The following CPQ variants were observed in gnomAD, a reference collection of about 807,000 sequenced individuals.
CPQ encodes the protein carboxypeptidase Q.
A neutral mutation model predicts 45.7 loss-of-function variants in CPQ; 37 were observed. That is an observed-to-expected ratio of 0.81 (90% confidence interval 0.62 to 1.07). The LOEUF is 1.07. Among genes scored for constraint, CPQ ranks in the 50% least tolerant of loss-of-function variants. The pLI is 0.00. For missense variants in CPQ, 537 were observed against 572.9 expected, an observed-to-expected ratio of 0.94 and a Z score of 0.64; for synonymous variants, 186 against 205.8, an observed-to-expected ratio of 0.90 and a Z score of 0.82.
intron 2 of CPQ, among the ~76,000 whole-genome samples, chr8:96,825,788 G>A (rs1419646088): frequency 6.6e-6 from 1 of 151,912 alleles, no homozygotes; most frequent in Non-Finnish European, 1.5e-5. Flanking sequence ...TCTCTAAGAA[G>A]AACATAAGAC....
chr8:96,807,335 G>A (rs1009364598), intron 2 of CPQ, among the ~76,000 whole-genome samples: 5 of 152,014 alleles, frequency 3.3e-5, no homozygotes, highest in Admixed American at 2.0e-4. Flanking sequence ...CCAGGTTCAC[G>A]CCATTCTCCT....
intron 6 of CPQ, among the ~76,000 whole-genome samples, chr8:97,041,599 C>A (rs1810126810): frequency 6.6e-6 from 1 of 152,148 alleles, no homozygotes; most frequent in South Asian, 2.1e-4. Flanking sequence ...TTTGCCCATT[C>A]AGTATGATAT....
At chr8:96,924,818 C>T (rs1375954048) in intron 4 of CPQ, among the ~76,000 whole-genome samples, 1 of 152,210 alleles carries the variant, frequency 6.6e-6, no homozygotes, top group Non-Finnish European at 1.5e-5. Flanking sequence ...GATATTAATA[C>T]TTTCAAGAGT....
intron 3 of CPQ, among the ~76,000 whole-genome samples, chr8:96,862,100 A>G (rs1811933754): frequency 6.6e-6 from 1 of 152,074 alleles, no homozygotes; most frequent in Admixed American, 6.6e-5. Context: ...GATGACTAGC[A>G]GTGTGTGTTA....
intron 7 of CPQ, among the ~76,000 whole-genome samples, chr8:97,101,951 C>CCTCT (rs150834817): frequency 3.7e-4 from 34 of 90,772 alleles, no homozygotes; most frequent in African/African-American, 9.0e-4. Context: ...TCCCTCCCTC[C>CCTCT]CTCTCTCTCT....
chr8:96,860,494 A>G (rs1178357786), intron 3 of CPQ, among the ~76,000 whole-genome samples: 1 of 152,142 alleles, frequency 6.6e-6, no homozygotes, highest in African/African-American at 2.4e-5. Context: ...AATTCTCTGA[A>G]GCTCCTTGAT....
intron 7 of CPQ, among the ~76,000 whole-genome samples, chr8:97,072,810 C>T (rs1453267093): frequency 6.6e-6 from 1 of 152,166 alleles, no homozygotes; most frequent in African/African-American, 2.4e-5. Flanking sequence ...TGGGTACACT[C>T]GTACAATGCC....
At position 96,969,287 on chromosome 8, in the gene CPQ, T is replaced by C. The variant is rs1186088483; in HGVS notation, c.961+3241T>C. On this transcript the variant is annotated intron_variant, in intron 5 of 7. Coordinates refer to ENST00000220763, the MANE Select transcript of CPQ (RefSeq NM_016134.4). ...GTCTATGTCTTAGAAAAATATTTTA[T>C]TGGTATGTTTCTTCATTCATTCACT... 2.6e-5 allele frequency among the ~76,000 whole-genome samples: 4 copies of C among 152,238 alleles called. No individual in the cohort carries two copies. The East Asian group carries it at 7.7e-4, about 29-fold the overall frequency.
At chr8:96,989,083 T>G (rs1167723171) in intron 5 of CPQ, among the ~76,000 whole-genome samples, 1 of 152,172 alleles carries the variant, frequency 6.6e-6, no homozygotes, top group Admixed American at 6.5e-5. Context: ...TGCACATTGA[T>G]TCCACTAATC....
intron 7 of CPQ, among the ~76,000 whole-genome samples, chr8:97,086,843 C>G (rs74780860): frequency 6.6e-6 from 1 of 152,128 alleles, no homozygotes; most frequent in Non-Finnish European, 1.5e-5. Flanking sequence ...TTTATGGTAC[C>G]TAAATCAAGA....
chr8:96,954,064 A>G (rs1563537582), intron 4 of CPQ, among the ~76,000 whole-genome samples: 1 of 152,194 alleles, frequency 6.6e-6, no homozygotes, highest in South Asian at 2.1e-4. Flanking sequence ...CTAACATTCA[A>G]AACTTAATGA....
At chr8:96,658,117 G>C (rs572940822) in intron 1 of CPQ, among the ~76,000 whole-genome samples, 40 of 152,248 alleles carry the variant, frequency 2.6e-4, no homozygotes, top group African/African-American at 9.6e-4. Context: ...TTGAGCTAAA[G>C]CTTAAAGAAA....
At chr8:96,691,307 G>C (rs898069826) in intron 1 of CPQ, among the ~76,000 whole-genome samples, 1 of 152,040 alleles carries the variant, frequency 6.6e-6, no homozygotes, top group Non-Finnish European at 1.5e-5. Flanking sequence ...CTTCTCTTCT[G>C]TCTCTTATAA....
At chr8:97,042,627 C>G (rs1190836803) in intron 6 of CPQ, among the ~76,000 whole-genome samples, 10 of 151,532 alleles carry the variant, frequency 6.6e-5, no homozygotes, top group African/African-American at 2.4e-4. Flanking sequence ...GCATTTAGTG[C>G]TATAAATTTC....
At chr8:96,746,029 G>A (rs1810174904) in intron 1 of CPQ, among the ~76,000 whole-genome samples, 1 of 152,178 alleles carries the variant, frequency 6.6e-6, no homozygotes, top group Non-Finnish European at 1.5e-5. Context: ...CCTACCTTCT[G>A]AAACTAGCCG....
At chr8:97,034,640 T>C (rs986398622) in intron 6 of CPQ, among the ~76,000 whole-genome samples, 1 of 152,132 alleles carries the variant, frequency 6.6e-6, no homozygotes, top group Non-Finnish European at 1.5e-5. Context: ...TATGTAATCA[T>C]CCCCCAGATC....
At chr8:96,722,579 C>T (rs1690924885) in intron 1 of CPQ, among the ~76,000 whole-genome samples, 3 of 152,086 alleles carry the variant, frequency 2.0e-5, no homozygotes, top group Admixed American at 2.0e-4. Context: ...CCTATGCATC[C>T]TCAATTTATT....
chr8:96,844,169 T>G (rs997661936), intron 3 of CPQ, among the ~76,000 whole-genome samples: 12 of 152,224 alleles, frequency 7.9e-5, no homozygotes, highest in Admixed American at 7.8e-4. Context: ...GCAATGTTGT[T>G]TGCTTATGCA....
intron 7 of CPQ, among the ~76,000 whole-genome samples, chr8:97,115,472 G>C (rs1345869502): frequency 6.6e-6 from 1 of 152,186 alleles, no homozygotes; most frequent in Non-Finnish European, 1.5e-5. Flanking sequence ...CCATTGCATA[G>C]ACATTAGTTA....
Sources: allele counts gnomAD v4.1 joint callset (sites outside exome capture counted in the v4.1 genomes callset), GRCh38; gene constraint gnomAD v4.1.1; transcripts MANE v1.5; gene names NCBI Gene and HGNC (gene_info 2026-07-23, HGNC 2026-07-21).